PTPRD: variants seen among roughly 807,000 people sequenced by gnomAD.
The protein encoded by PTPRD is protein tyrosine phosphatase receptor type D, also known as receptor-type tyrosine-protein phosphatase delta.
In PTPRD, 34 loss-of-function variants were observed where a neutral mutation model predicts 214.5. That is an observed-to-expected ratio of 0.16 (90% CI 0.12 to 0.21). The LOEUF is 0.21. PTPRD is among the 10% of genes least tolerant of loss of function. The pLI is 1.00. For missense variants in PTPRD, 2,545 were observed against 2,398.7 expected, an observed-to-expected ratio of 1.06 and a Z score of -1.27; for synonymous variants, 1,128 against 845.7, an observed-to-expected ratio of 1.33 and a Z score of -5.79.
At chr9:8,348,355 A>G (rs921565505) in intron 39 of PTPRD, among the ~76,000 whole-genome samples, 32 of 152,212 alleles carry the variant, frequency 2.1e-4, no homozygotes, top group African/African-American at 7.5e-4. Flanking sequence ...CATGGATGCC[A>G]CTTTTTCTGA....
intron 8 of PTPRD, among the ~76,000 whole-genome samples, chr9:9,556,386 G>A (rs2081513637): frequency 6.6e-6 from 1 of 152,062 alleles, no homozygotes. Flanking sequence ...AAGGAGGCAC[G>A]TTTGGTGTAA....
chr9:10,239,063 T>G (rs1200823860), intron 3 of PTPRD, among the ~76,000 whole-genome samples: 1 of 151,930 alleles, frequency 6.6e-6, no homozygotes, highest in Non-Finnish European at 1.5e-5. Flanking sequence ...GTAATCTGAG[T>G]CTTAATCCTA....
At chr9:8,543,621 T>A (rs2079052910) in intron 14 of PTPRD, among the ~76,000 whole-genome samples, 2 of 152,256 alleles carry the variant, frequency 1.3e-5, no homozygotes. Flanking sequence ...CAAATTATAG[T>A]TACATGGGCA....
chr9:9,585,659 C>T (rs1482665253), intron 7 of PTPRD, among the ~76,000 whole-genome samples: 3 of 152,016 alleles, frequency 2.0e-5, no homozygotes, highest in Admixed American at 1.3e-4. Context: ...CTTTTCAGCC[C>T]TTCATCCAAT....
At chr9:8,917,669 T>C (rs1269437681) in intron 11 of PTPRD, among the ~76,000 whole-genome samples, 1 of 152,204 alleles carries the variant, frequency 6.6e-6, no homozygotes, top group African/African-American at 2.4e-5. Context: ...TGCTCTAATT[T>C]TTCTGAATAT....
At chr9:9,979,395 TG>T (rs1034516786) in intron 4 of PTPRD, among the ~76,000 whole-genome samples, 1 of 152,014 alleles carries the variant, frequency 6.6e-6, no homozygotes, top group African/African-American at 2.4e-5. Flanking sequence ...GTGTATCTTC[TG>T]GAAAAATATA....
At chr9:9,755,274 A>G (rs2098557126) in intron 6 of PTPRD, among the ~76,000 whole-genome samples, 1 of 152,040 alleles carries the variant, frequency 6.6e-6, no homozygotes, top group Non-Finnish European at 1.5e-5. Context: ...TCTCCCTTTA[A>G]AATCACTGAG....
chr9:9,418,412 C>T (rs943477534), intron 8 of PTPRD, among the ~76,000 whole-genome samples: 1 of 151,932 alleles, frequency 6.6e-6, no homozygotes, highest in African/African-American at 2.4e-5. Context: ...ATCTCTTGCA[C>T]CTTATATTAA....
intron 2 of PTPRD, among the ~76,000 whole-genome samples, chr9:10,491,785 A>C (rs1295750672): frequency 6.6e-6 from 1 of 151,876 alleles, no homozygotes; most frequent in Admixed American, 6.6e-5. Context: ...ACATAGGTAT[A>C]CATGTGCCAT....
intron 5 of PTPRD, among the ~76,000 whole-genome samples, chr9:9,770,460 G>A (rs2098743257): frequency 6.6e-6 from 1 of 151,908 alleles, no homozygotes; most frequent in South Asian, 2.1e-4. Context: ...CATTTGTATT[G>A]GTATTAGTTA....
chr9:10,266,999 G>A (rs2094110858), intron 3 of PTPRD, among the ~76,000 whole-genome samples: 1 of 151,914 alleles, frequency 6.6e-6, no homozygotes, highest in Admixed American at 6.6e-5. Context: ...GACCAGCCTG[G>A]CTAACATGGT....
chr9:8,625,885 AT>A (rs1194339660), intron 14 of PTPRD, among the ~76,000 whole-genome samples: 11 of 151,390 alleles, frequency 7.3e-5, no homozygotes, highest in Non-Finnish European at 1.3e-4. Context: ...AAAAAAAAAA[AT>A]CTTGCTATCT....
At chr9:9,392,773 GTCTCT>G (rs2066327737) in intron 9 of PTPRD, among the ~76,000 whole-genome samples, 1 of 152,162 alleles carries the variant, frequency 6.6e-6, no homozygotes, top group Non-Finnish European at 1.5e-5. Context: ...TGTCTATGAT[GTCTCT>G]TCAACAATAT....
chr9:9,492,646 A>C (rs1475003904), intron 8 of PTPRD, among the ~76,000 whole-genome samples: 2 of 152,046 alleles, frequency 1.3e-5, no homozygotes, highest in African/African-American at 4.8e-5. Flanking sequence ...CTAGAAGGAA[A>C]GTATTCCAAC....
At chr9:9,115,624 G>C (rs1255560409) in intron 10 of PTPRD, among the ~76,000 whole-genome samples, 1 of 152,070 alleles carries the variant, frequency 6.6e-6, no homozygotes, top group African/African-American at 2.4e-5. Flanking sequence ...AATCCCACTG[G>C]TATGTATCTA....
At position 8,485,792 on chromosome 9, in the gene PTPRD, C is replaced by A; in HGVS notation, c.3025G>T (p.Val1009Phe). 1 of 1,613,578 alleles carries A rather than the reference C, an allele frequency of 6.2e-7. No individual in the cohort carries two copies. The change falls in exon 28 of 46, where the codon GTC becomes TTC. Residue 1009 changes from valine to phenylalanine, a missense_variant. By Grantham distance (50) the Val-to-Phe change is conservative. Coordinates refer to ENST00000381196, the MANE Select transcript of PTPRD (RefSeq NM_002839.4). ...TCCACAGGCAGTGTCCTGAACTGGA[C>A]ACTGGGACTATATGGCCCGGGCCCT... ...SKGPGPYSPS[V>F]QFRTLPVDQV...
rs578031301 is a variant in PTPRD at position 9,025,647 on chromosome 9, ACACT to A, written c.-142-6916_-142-6913del. Reference sequence around the variant, plus strand: ...TATAATCTGTTCACTATCTCATGTAACACTCACAATAATTTGGGAGCGGGTAAGG... The same window carrying A: ...TATAATCTGTTCACTATCTCATGTAACACAATAATTTGGGAGCGGGTAAGG... On this transcript the variant is annotated intron_variant, in intron 10 of 45. Transcript: ENST00000381196. Among the ~76,000 whole-genome samples, 277 of 152,120 alleles carry A rather than the reference ACACT, an allele frequency of 1.8e-3. 3 individuals carry two copies. The highest frequency in any genetic ancestry group is 6.3e-3 in the African/African-American group (260 of 41,522).
intron 2 of PTPRD, among the ~76,000 whole-genome samples, chr9:10,482,310 A>G (rs113028655): frequency 0.012 from 1,787 of 152,016 alleles, 15 homozygotes; most frequent in East Asian, 0.023. Context: ...GGTGGAGCTT[A>G]CAGTGAGCCG....
chr9:10,564,147 T>C (rs896791868), intron 2 of PTPRD, among the ~76,000 whole-genome samples: 2 of 132,924 alleles, frequency 1.5e-5, no homozygotes, highest in East Asian at 2.4e-4. Flanking sequence ...TACTCGGGAG[T>C]GTGCACCACC....
Sources: allele counts gnomAD v4.1 joint callset (sites outside exome capture counted in the v4.1 genomes callset), GRCh38; gene constraint gnomAD v4.1.1; transcripts MANE v1.5; gene names NCBI Gene and HGNC (gene_info 2026-07-23, HGNC 2026-07-21).